MCCC2: variants seen among roughly 807,000 people sequenced by gnomAD.
MCCC2 encodes methylcrotonyl-CoA carboxylase subunit 2, also known as methylcrotonoyl-CoA carboxylase beta chain, mitochondrial.
Under a neutral mutation model 77.2 loss-of-function variants are expected in MCCC2, and 52 were observed. The ratio of observed to expected loss-of-function variants is 0.67; its 90% CI spans 0.54 to 0.85. The LOEUF is 0.85. MCCC2 is among the 40% of genes least tolerant of loss of function. MCCC2 has a pLI of 0.00. For synonymous variants in MCCC2, 253 were observed against 248.4 expected, an observed-to-expected ratio of 1.02 and a Z score of -0.18; for missense variants, 682 against 703.2, an observed-to-expected ratio of 0.97 and a Z score of 0.34.
chr5:71,626,786 T>TA, intron 7 of MCCC2, 33 bp downstream of exon 7: 2 of 1,566,860 alleles, frequency 1.3e-6, no homozygotes, highest in Non-Finnish European at 1.8e-6. Flanking sequence ...CGATGGAAAT[T>TA]AAGTATGCAG....
In MCCC2 at chr5:71,587,453, C is replaced by A. The variant is rs746669042; in HGVS notation, c.28C>A (p.Arg10=). 5 of 1,535,098 alleles carry A rather than the reference C, an allele frequency of 3.3e-6. No homozygotes were observed. The South Asian group carries it at 4.8e-5, about 15-fold the overall frequency. Residue 10 remains arginine, a synonymous_variant, in exon 1 of 17, where the codon CGG becomes AGG. Transcript: ENST00000340941. ...GTGGGCCGTCCTGAGGTTAGCCCTGCGGCCGTGTGCCCGCGCCTCTCCCGC... is the reference window on the plus strand; with the variant it reads ...GTGGGCCGTCCTGAGGTTAGCCCTGAGGCCGTGTGCCCGCGCCTCTCCCGC... MWAVLRLAL[R]PCARASPAGP... is the part of the protein sequence containing the mutation.
intron 16 of MCCC2, among the ~76,000 whole-genome samples, chr5:71,655,826 A>G (rs76188276): frequency 0.05 from 7,577 of 152,322 alleles, 246 homozygotes; most frequent in African/African-American, 0.081. Context: ...TTTCTACTTA[A>G]AAGTTTCTTC....
intron 6 of MCCC2, among the ~76,000 whole-genome samples, chr5:71,612,179 G>A (rs937917734): frequency 6.6e-6 from 1 of 152,110 alleles, no homozygotes; most frequent in Admixed American, 6.5e-5. Context: ...TTAGGTATTA[G>A]GCTAATGGAT....
At chr5:71,622,065 T>G (rs1385249473) in intron 6 of MCCC2, among the ~76,000 whole-genome samples, 3 of 152,108 alleles carry the variant, frequency 2.0e-5, no homozygotes, top group Non-Finnish European at 2.9e-5. Flanking sequence ...GAGGATCGCT[T>G]GAGCACAGGA....
At chr5:71,594,226 C>T (rs1745088850) in intron 2 of MCCC2, among the ~76,000 whole-genome samples, 1 of 152,080 alleles carries the variant, frequency 6.6e-6, no homozygotes, top group African/African-American at 2.4e-5. Flanking sequence ...CCCCCTTAGA[C>T]ATTAAGATGG....
At chr5:71,599,133 C>T (rs62361813) in intron 3 of MCCC2, among the ~76,000 whole-genome samples, 60,915 of 151,660 alleles carry the variant, frequency 0.4, 12,744 homozygotes, top group South Asian at 0.47. Flanking sequence ...TTTGTGAGGC[C>T]GAGGTGGGCA....
At chr5:71,634,345 G>A (rs771224848) in intron 8 of MCCC2, among the ~76,000 whole-genome samples, 2 of 152,170 alleles carry the variant, frequency 1.3e-5, no homozygotes, top group Admixed American at 6.5e-5. Context: ...TACTAGTTCC[G>A]ATTTTTACCC....
chr5:71,590,450 A>G (rs1744929049), intron 1 of MCCC2, among the ~76,000 whole-genome samples: 1 of 152,080 alleles, frequency 6.6e-6, no homozygotes, highest in African/African-American at 2.4e-5. Flanking sequence ...ACGTTGTTTA[A>G]TTTCCATATA....
chr5:71,611,354 G>T (rs1310064883), intron 6 of MCCC2, among the ~76,000 whole-genome samples: 1 of 151,528 alleles, frequency 6.6e-6, no homozygotes, highest in Admixed American at 6.6e-5. Flanking sequence ...GCGAGCTGTG[G>T]TTGCACCACT....
chr5:71,599,665 A>G lies in MCCC2; in HGVS notation c.288A>G (p.Pro96=), dbSNP rs1745344863. The change falls in exon 4 of 17, where the codon CCA becomes CCG. Residue 96 remains proline, a synonymous_variant. Transcript: ENST00000340941. ...RIDNLIDPGS[P]FLELSQFAGY... ...CATCCTTTCTTCGCTTTAGGTCTCC[A>G]TTTCTGGAATTATCCCAGTTTGCAG... The G allele has an allele frequency of 4.3e-6, 7 of 1,613,602 alleles. No homozygotes were observed. The highest frequency in any genetic ancestry group is 2.2e-5 in the East Asian group (1 of 44,878).
intron 11 of MCCC2, 176 bp from the exon 12 acceptor site, chr5:71,643,643 C>A: frequency 8.0e-7 from 1 of 1,242,260 alleles, no homozygotes; most frequent in Non-Finnish European, 1.1e-6. Flanking sequence ...AAACCAGAGT[C>A]TAGGACCTTA....
At chr5:71,605,261 AATGATTGCC>A (rs1745623895) in intron 6 of MCCC2, among the ~76,000 whole-genome samples, 1 of 151,288 alleles carries the variant, frequency 6.6e-6, no homozygotes, top group Non-Finnish European at 1.5e-5. Context: ...CTGACTTTTT[AATGATTGCC>A]ATTCTAACTG....
rs747069963 is a variant in MCCC2, at chr5:71,635,051, G to A, written c.903+9G>A. 9.9e-6 allele frequency: 16 copies of A among 1,613,176 alleles called. No homozygotes were observed. The African/African-American group carries it at 1.1e-4, about 11-fold the overall frequency. ...ATCAGAAGAAATTGGATGTGAGTAC[G>A]ATATGTTCTTATATCTTTTATTTTC... On this transcript the variant is annotated intron_variant, in intron 9 of 16. Coordinates refer to ENST00000340941, the MANE Select transcript of MCCC2 (RefSeq NM_022132.5).
intron 6 of MCCC2, among the ~76,000 whole-genome samples, chr5:71,614,207 A>G (rs1035811934): frequency 2.6e-5 from 4 of 152,074 alleles, no homozygotes; most frequent in African/African-American, 9.7e-5. Context: ...TTTCCTGAAT[A>G]TATGAGCCTA....
rs111814833 is a variant in MCCC2, at chr5:71,626,651, C to T, written c.636C>T (p.Val212=). 5 of 1,613,944 alleles carry T rather than the reference C, an allele frequency of 3.1e-6. 1 individual carries two copies. In the African/African-American group the frequency reaches 6.7e-5, roughly 22 times the overall value. ...TGCTTGGATTCCAGATCGCAGTGGT[C>T]ATGGGCTCCTGCACCGCAGGAGGAG... is the stretch of plus-strand genomic sequence containing the variant. ...SSKNIAQIAV[V]MGSCTAGGAY... Residue 212 remains valine (V), a synonymous_variant, in exon 7 of 17, where the codon GTC becomes GTT. Coordinates refer to ENST00000340941, the MANE Select transcript of MCCC2 (RefSeq NM_022132.5).
chr5:71,639,040 A>G (rs1561844279), intron 10 of MCCC2, among the ~76,000 whole-genome samples: 1 of 152,318 alleles, frequency 6.6e-6, no homozygotes, highest in South Asian at 2.1e-4. Flanking sequence ...TGGCCTTAAA[A>G]ATTCATTAAA....
chr5:71,597,511 G>C (rs116687461), intron 3 of MCCC2, among the ~76,000 whole-genome samples: 4,106 of 143,352 alleles, frequency 0.029, 89 homozygotes, highest in Middle Eastern at 0.072. Flanking sequence ...AGGGAGACAT[G>C]ATGGGGACTC....
intron 10 of MCCC2, chr5:71,635,508 A>G (rs1465565762): frequency 9.7e-6 from 5 of 515,082 alleles, no homozygotes; most frequent in Non-Finnish European, 1.4e-5. Flanking sequence ...GGTCATAAGT[A>G]AGACTCCATG....
rs1171015211 is a variant in MCCC2 at position 71,626,740 on chromosome 5, C to T, written c.725C>T (p.Ala242Val). The T allele has an allele frequency of 6.2e-7, 1 of 1,613,980 alleles. No homozygotes were observed. The highest frequency in any genetic ancestry group is 1.3e-5 in the African/African-American group (1 of 74,918). The change falls in exon 7 of 17, where the codon GCA becomes GTA. Residue 242 changes from alanine to valine, a missense_variant. Physicochemically the swap from Ala to Val is moderately conservative, Grantham distance 64. Coordinates refer to ENST00000340941, the MANE Select transcript of MCCC2 (RefSeq NM_022132.5). ...CGCAAGCAGGGTACCATTTTCTTGG[C>T]AGGACCCCCCTTGGTAAGAACATAA... is the stretch of plus-strand genomic sequence containing the variant. Reference protein sequence around the residue: ...IVRKQGTIFLAGPPLVKAATG... With the variant: ...IVRKQGTIFLVGPPLVKAATG...
Sources: gnomAD v4.1 joint callset for allele counts (sites outside exome capture counted in the v4.1 genomes callset) on GRCh38, gnomAD v4.1.1 for gene constraint, MANE v1.5 for transcripts, NCBI Gene and HGNC (gene_info 2026-07-23, HGNC 2026-07-21) for gene names.